The following ARHGAP9 variants were observed in gnomAD, a reference collection of about 807,000 sequenced individuals.
ARHGAP9 encodes the protein Rho GTPase activating protein 9, also known as rho GTPase-activating protein 9.
ARHGAP9 carries 76 observed loss-of-function variants against 87.3 expected under a neutral mutation model. The ratio of observed to expected loss-of-function variants is 0.87; its 90% CI spans 0.72 to 1.05. The LOEUF (loss-of-function observed/expected upper bound fraction) is 1.05. ARHGAP9 is among the 50% of genes least tolerant of loss of function. ARHGAP9 has a pLI of 0.00. For synonymous variants in ARHGAP9, 382 were observed against 394.9 expected (o/e 0.97, Z 0.39); for missense variants, 941 against 960.5 (o/e 0.98, Z 0.27).
At position 57,474,072 on chromosome 12, in the gene ARHGAP9, G is replaced by C. The variant is rs1368036555; in HGVS notation, c.1888C>G (p.Leu630Val). The C allele has an allele frequency of 1.2e-6, 2 of 1,614,134 alleles. No homozygotes were observed. The highest frequency in any genetic ancestry group is 1.7e-6 in the Non-Finnish European group (2 of 1,179,996). Residue 630 changes from leucine to valine, a missense_variant, in exon 16 of 18, where the codon CTG (leucine) becomes GTG (valine). Transcript: ENST00000393791. ...RELPQPLVPP[L>V]LLPHFRAALA... ...GCAGCACGGAAATGGGGCAGCAGCA[G>C]TGGTGGCACCAGAGGCTGGGGCAGC...
At chr12:57,488,268 C>A in intron 1 of ARHGAP9, 2 of 1,449,824 alleles carry the variant, frequency 1.4e-6, no homozygotes, top group Non-Finnish European at 1.9e-6. Flanking sequence ...TTCTCTGCAG[C>A]TGTCTTTGCC....
At position 57,479,345 on chromosome 12, in the gene ARHGAP9, G is replaced by T. The variant is rs200459745; in HGVS notation, c.62C>A (p.Pro21His). ...GGCACAGAGCTGGGATCCCCGAGGA[G>T]GGCTTCGGGGGCCCAGCCCTAGGAT... is the stretch of plus-strand genomic sequence containing the variant. ...WGILGLGPRS[P>H]PRGSQLCALY... The change falls in exon 2 of 18, where the codon CCT becomes CAT. Residue 21 changes from proline to histidine, a missense_variant. Coordinates refer to ENST00000393791, the MANE Select transcript of ARHGAP9 (RefSeq NM_032496.4). The T allele has an allele frequency of 6.8e-6, 11 of 1,614,166 alleles. No homozygotes were observed. In the African/African-American group the frequency reaches 1.5e-4, roughly 22 times the overall value.
rs1200643753 is a variant in ARHGAP9 at position 57,477,477 on chromosome 12, GC to G, written c.737del (p.Arg246ProfsTer18). The G allele has an allele frequency of 3.2e-5, 51 of 1,613,966 alleles. No individual in the cohort carries two copies. The highest frequency in any genetic ancestry group is 4.1e-5 in the Non-Finnish European group (48 of 1,180,008). On this transcript the variant is annotated frameshift_variant, in exon 4 of 18. Transcript: ENST00000393791. LOFTEE classifies it high-confidence loss of function. ...LTGCKSWKPP[R>X]RSRSETNPGS... Reference sequence around the variant, plus strand: ...GTCTCACCGTCTCGCTGCGACTGCGGCGCGGGGGCTTCCAGGACTTGCAGCC... The same window carrying G: ...GTCTCACCGTCTCGCTGCGACTGCGGGCGGGGGCTTCCAGGACTTGCAGCC...
chr12:57,488,129 G>T, intron 1 of ARHGAP9: 1 of 1,614,162 alleles, frequency 6.2e-7, no homozygotes, highest in South Asian at 1.1e-5. Context: ...CGGGTTGCTT[G>T]CCGGTGCTGG....
In ARHGAP9 at chr12:57,475,532, C is replaced by T. The variant is rs1203257038; in HGVS notation, c.1395G>A (p.Ser465=). ...LSAGEDEEEE[S]ELVSKPLLRL... ...GCAGCAGCGGCTTGGACACCAGCTC[C>T]GACTCCTCTTCTTCGTCCTCCCCGG... The change falls in exon 11 of 18, where the codon TCG becomes TCA. Residue 465 remains serine (S), a synonymous_variant. Coordinates refer to ENST00000393791, the MANE Select transcript of ARHGAP9 (RefSeq NM_032496.4). The T allele has an allele frequency of 7.5e-6, 12 of 1,605,930 alleles. No individual in the cohort carries two copies. Among genetic ancestry groups the T allele is most frequent in the African/African-American group, 2.7e-5 (2 of 74,938 alleles).
upstream of ARHGAP9, among the ~76,000 whole-genome samples, chr12:57,483,552 T>C (rs779699112): frequency 6.6e-6 from 1 of 152,186 alleles, no homozygotes; most frequent in East Asian, 1.9e-4. Flanking sequence ...TCTACACTTT[T>C]CACAGTCTCC....
chr12:57,476,064 C>A lies in ARHGAP9; in HGVS notation c.1212+7G>T, dbSNP rs1247081828. ...GGGGCCTTGGGGACGCGCGGGAGGG[C>A]GCTCACGTGCAGGACGTTGCGGCGG... On this transcript the variant is annotated splice_region_variant and intron_variant, in intron 9 of 17. Transcript: ENST00000393791. The A allele has an allele frequency of 6.6e-7, 1 of 1,522,138 alleles. No homozygotes were observed. Among genetic ancestry groups the A allele is most frequent in the Non-Finnish European group, 8.8e-7 (1 of 1,135,206 alleles). 94.3% of individuals were successfully genotyped at this position (1,522,138 alleles called of 1,614,324 possible).
chr12:57,475,538 C>A lies in ARHGAP9; in HGVS notation c.1389G>T (p.Glu463Asp). The A allele has an allele frequency of 1.2e-6, 2 of 1,607,602 alleles. No individual in the cohort carries two copies. Among genetic ancestry groups the A allele is most frequent in the African/African-American group, 2.7e-5 (2 of 74,980 alleles). The change falls in exon 11 of 18, where the codon GAG becomes GAT. Residue 463 changes from glutamate to aspartate, a missense_variant. Physicochemically the swap from Glu to Asp is conservative, Grantham distance 45. Transcript: ENST00000393791. ...AELSAGEDEE[E>D]ESELVSKPLL... ...GCGGCTTGGACACCAGCTCCGACTC[C>A]TCTTCTTCGTCCTCCCCGGCGCTCA...
upstream of ARHGAP9, chr12:57,483,906 G>A (rs1432424020): frequency 4.4e-6 from 2 of 453,930 alleles, no homozygotes; most frequent in East Asian, 1.4e-4. Flanking sequence ...TGGGTGTGCT[G>A]GCCCAGCTAC....
At chr12:57,477,017 T>A (rs775986784) in intron 5 of ARHGAP9, 54 bp from the exon 6 acceptor site, 1 of 1,270,098 alleles carries the variant, frequency 7.9e-7, no homozygotes, top group East Asian at 3.6e-5. Context: ...CAGGGATCCC[T>A]GGCTGAAGGA....
chr12:57,488,294 G>A (rs1166826376), intron 1 of ARHGAP9: 31 of 1,157,940 alleles, frequency 2.7e-5, no homozygotes, highest in Non-Finnish European at 3.4e-5. Context: ...CCTAGCCCTC[G>A]CCACACACCC....
intron 3 of ARHGAP9, 94 bp downstream of exon 3, chr12:57,478,446 T>G (rs1346949529): frequency 1.6e-6 from 2 of 1,236,356 alleles, no homozygotes; most frequent in Admixed American, 4.0e-5. Flanking sequence ...TATTTGTTTT[T>G]GTGTTTGTCA....
chr12:57,486,138 C>G (rs1019872490), intron 1 of ARHGAP9, among the ~76,000 whole-genome samples: 3 of 152,088 alleles, frequency 2.0e-5, no homozygotes, highest in Non-Finnish European at 2.9e-5. Flanking sequence ...GTGCCTAGCT[C>G]ATAAGTACTA....
At chr12:57,476,774 G>A in intron 6 of ARHGAP9, 97 bp downstream of exon 6, 1 of 1,485,098 alleles carries the variant, frequency 6.7e-7, no homozygotes, top group Non-Finnish European at 9.4e-7. Context: ...CTGGGTAGGA[G>A]GATATTCAGA....
At chr12:57,479,995 A>C (rs200498792), upstream of ARHGAP9, 1 of 1,374,014 alleles carries the variant, frequency 7.3e-7, no homozygotes, top group East Asian at 2.9e-5. Flanking sequence ...AGAGAAACAG[A>C]AAGCCAAATA....
intron 3 of ARHGAP9, chr12:57,478,257 G>C: frequency 2.4e-6 from 1 of 417,710 alleles, no homozygotes; most frequent in East Asian, 4.7e-5. Context: ...AGGGCCTTTG[G>C]TACCTACTGT....
chr12:57,477,924 C>T, intron 3 of ARHGAP9: 4 of 1,302,602 alleles, frequency 3.1e-6, no homozygotes, highest in Non-Finnish European at 3.9e-6. Flanking sequence ...TCCCCCACCC[C>T]ACCCCCACCT....
At chr12:57,475,171 TA>T in intron 12 of ARHGAP9, 119 bp downstream of exon 12, 1 of 1,213,740 alleles carries the variant, frequency 8.2e-7, no homozygotes, top group South Asian at 1.5e-5. Flanking sequence ...GCTTCTCCCC[TA>T]AACAATCTGG....
Position 57,476,450 on chromosome 12 carries a change from T to C in ARHGAP9, c.1030A>G (p.Asn344Asp), listed in dbSNP as rs990873136. Residue 344 changes from asparagine (N) to aspartate (D), a missense_variant, in exon 8 of 18, where the codon AAC (asparagine) becomes GAC (aspartate). Coordinates refer to ENST00000393791, the MANE Select transcript of ARHGAP9 (RefSeq NM_032496.4). ...AACACCACCCAAGACGGGCCCCAGT[T>C]CTTCCTGCGGGGACAGAGAGGGGAG... The part of the protein sequence containing the change: ...IAQGGRKLRK[N>D]WGPSWVVLTG... 9 of 1,613,954 alleles carry C rather than the reference T, an allele frequency of 5.6e-6. No individual in the cohort carries two copies. Among genetic ancestry groups the C allele is most frequent in the Admixed American group, 5.0e-5 (3 of 60,006 alleles).
Sources: gnomAD v4.1 joint callset for allele counts (sites outside exome capture counted in the v4.1 genomes callset) on GRCh38, gnomAD v4.1.1 for gene constraint, MANE v1.5 for transcripts, NCBI Gene and HGNC (gene_info 2026-07-23, HGNC 2026-07-21) for gene names.